Variants in ADGRG7 observed in about 807,000 individuals in gnomAD.
ADGRG7 encodes G-protein coupled receptor 128.
A neutral mutation model predicts 88.6 loss-of-function variants in ADGRG7; 82 were observed. The observed-to-expected ratio is 0.93, with a 90% CI of 0.77 to 1.11. The LOEUF is 1.11. ADGRG7 is among the 50% of genes most tolerant of loss of function. The pLI, the probability that ADGRG7 is intolerant of heterozygous loss-of-function variation, is 0.00. For missense variants in ADGRG7, 945 were observed against 953.4 expected, an observed-to-expected ratio of 0.99 and a Z score of 0.12; for synonymous variants, 381 against 345.2, an observed-to-expected ratio of 1.10 and a Z score of -1.15.
chr3:100,676,245 A>G (rs1401665419), intron 15 of ADGRG7, among the ~76,000 whole-genome samples: 2 of 151,866 alleles, frequency 1.3e-5, no homozygotes, highest in Non-Finnish European at 2.9e-5. Flanking sequence ...ATTGCTATAA[A>G]CTTTCCTCTT....
intron 5 of ADGRG7, 81 bp from the exon 6 acceptor site, chr3:100,637,221 A>G (rs1249531210): frequency 2.1e-6 from 2 of 951,012 alleles, no homozygotes; most frequent in East Asian, 2.5e-5. Flanking sequence ...ACTTGCTACT[A>G]CAATGATTCA....
At chr3:100,667,704 G>C (rs1037772654) in intron 14 of ADGRG7, among the ~76,000 whole-genome samples, 1 of 152,170 alleles carries the variant, frequency 6.6e-6, no homozygotes, top group Non-Finnish European at 1.5e-5. Flanking sequence ...TAATGGGATT[G>C]CTGGGTCAAA....
intron 11 of ADGRG7, among the ~76,000 whole-genome samples, chr3:100,651,233 A>G (rs573950562): frequency 6.6e-6 from 1 of 152,354 alleles, no homozygotes; most frequent in African/African-American, 2.4e-5. Context: ...TTGGGGGGAA[A>G]AGGCAGACAT....
At chr3:100,659,162 G>T (rs1445675360) in intron 13 of ADGRG7, among the ~76,000 whole-genome samples, 2 of 152,082 alleles carry the variant, frequency 1.3e-5, no homozygotes, top group African/African-American at 4.8e-5. Flanking sequence ...GCTGGGTGCA[G>T]TGGCTCATGC....
intron 15 of ADGRG7, among the ~76,000 whole-genome samples, chr3:100,676,528 A>C (rs551572245): frequency 6.6e-6 from 1 of 152,086 alleles, no homozygotes. Context: ...CATATGGTCT[A>C]TATTTGAGAA....
chr3:100,665,908 C>G (rs1368652008), intron 14 of ADGRG7, among the ~76,000 whole-genome samples: 1 of 152,164 alleles, frequency 6.6e-6, no homozygotes, highest in Non-Finnish European at 1.5e-5. Flanking sequence ...AAGTAACTTT[C>G]ATGTGTTCAG....
At chr3:100,632,762 T>A (rs1707475240) in intron 3 of ADGRG7, among the ~76,000 whole-genome samples, 1 of 152,140 alleles carries the variant, frequency 6.6e-6, no homozygotes, top group African/African-American at 2.4e-5. Context: ...TACTTAAGTA[T>A]TAACTACAGG....
At chr3:100,669,491 G>C (rs1226153926) in intron 15 of ADGRG7, among the ~76,000 whole-genome samples, 1 of 130,114 alleles carries the variant, frequency 7.7e-6, no homozygotes, top group Non-Finnish European at 1.5e-5. Flanking sequence ...CTGAGATCGC[G>C]CCACCGCACT....
At chr3:100,630,510 T>C (rs969645395) in intron 2 of ADGRG7, among the ~76,000 whole-genome samples, 195 bp from the exon 3 acceptor site, 4 of 152,178 alleles carry the variant, frequency 2.6e-5, no homozygotes, top group African/African-American at 9.7e-5. Context: ...ACCTGTTGTC[T>C]AACATACTAG....
intron 5 of ADGRG7, among the ~76,000 whole-genome samples, chr3:100,636,998 G>C (rs902682230): frequency 6.6e-6 from 1 of 152,144 alleles, no homozygotes; most frequent in African/African-American, 2.4e-5. Context: ...TTGAATCCAA[G>C]CATTTGATTT....
intron 11 of ADGRG7, 96 bp downstream of exon 11, chr3:100,649,903 A>G: frequency 1.7e-6 from 1 of 601,184 alleles, no homozygotes; most frequent in Non-Finnish European, 2.9e-6. Flanking sequence ...GAACTAGGCA[A>G]GAACTCAGAG....
chr3:100,678,289 ATC>A (rs2094968336), intron 15 of ADGRG7, among the ~76,000 whole-genome samples: 1 of 151,820 alleles, frequency 6.6e-6, no homozygotes, highest in Non-Finnish European at 1.5e-5. Context: ...AATTATTTCA[ATC>A]TGTTTGTTAA....
At chr3:100,667,732 G>A in intron 14 of ADGRG7, among the ~76,000 whole-genome samples, 1 of 152,002 alleles carries the variant, frequency 6.6e-6, no homozygotes, top group East Asian at 1.9e-4. Context: ...TCTAGTTCTA[G>A]ATCCTTGAGG....
At chr3:100,694,387 A>G (rs1322279730) in intron 15 of ADGRG7, among the ~76,000 whole-genome samples, 4 of 152,234 alleles carry the variant, frequency 2.6e-5, no homozygotes, top group Non-Finnish European at 5.9e-5. Context: ...GAAGCACAGA[A>G]TGTTAGAACT....
At chr3:100,611,047 A>G (rs1707141201) in intron 1 of ADGRG7, among the ~76,000 whole-genome samples, 2 of 152,218 alleles carry the variant, frequency 1.3e-5, no homozygotes, top group Non-Finnish European at 2.9e-5. Context: ...TATTTAGAGA[A>G]CTAGAATGAG....
At chr3:100,666,492 G>A (rs1372721671) in intron 14 of ADGRG7, among the ~76,000 whole-genome samples, 1 of 152,226 alleles carries the variant, frequency 6.6e-6, no homozygotes, top group East Asian at 1.9e-4. Flanking sequence ...GCTTTACGAA[G>A]CAGTATTGCT....
intron 2 of ADGRG7, among the ~76,000 whole-genome samples, 200 bp from the exon 3 acceptor site, chr3:100,630,505 T>C (rs982545414): frequency 1.3e-5 from 2 of 152,186 alleles, no homozygotes; most frequent in African/African-American, 2.4e-5. Context: ...CTGGAACCTG[T>C]TGTCTAACAT....
chr3:100,624,324 C>T (rs1205258582), intron 1 of ADGRG7, among the ~76,000 whole-genome samples: 1 of 152,142 alleles, frequency 6.6e-6, no homozygotes, highest in Non-Finnish European at 1.5e-5. Context: ...TGTTTGTTGG[C>T]TGCATAAATG....
intron 5 of ADGRG7, among the ~76,000 whole-genome samples, chr3:100,636,714 A>G (rs1707548960): frequency 6.6e-6 from 1 of 152,226 alleles, no homozygotes; most frequent in Admixed American, 6.5e-5. Context: ...AATGGAATTG[A>G]AAGAGAAAAT....
Sources: gnomAD v4.1 joint callset for allele counts (sites outside exome capture counted in the v4.1 genomes callset) on GRCh38, gnomAD v4.1.1 for gene constraint, MANE v1.5 for transcripts, NCBI Gene and HGNC (gene_info 2026-07-23, HGNC 2026-07-21) for gene names.